Variants in TNIK observed in about 807,000 individuals in gnomAD.
TNIK encodes the protein TRAF2 and NCK interacting kinase, also known as TRAF2 and NCK-interacting protein kinase.
TNIK carries 49 observed loss-of-function variants against 191.3 expected under a neutral mutation model. The observed-to-expected ratio is 0.26, with a 90% CI of 0.20 to 0.32. The LOEUF is 0.32. Ranked by LOEUF, TNIK falls within the 10% of genes least tolerant of loss-of-function variation. The pLI is 1.00. For synonymous variants in TNIK, 594 were observed against 600.9 expected, an observed-to-expected ratio of 0.99 and a Z score of 0.17; for missense variants, 1,155 against 1,702.3, an observed-to-expected ratio of 0.68 and a Z score of 5.66.
chr3:171,251,989 T>C (rs1200410439), intron 2 of TNIK, among the ~76,000 whole-genome samples: 1 of 150,926 alleles, frequency 6.6e-6, no homozygotes, highest in Admixed American at 6.6e-5. Context: ...TATAGGGCAA[T>C]TGCAACATTT....
intron 2 of TNIK, among the ~76,000 whole-genome samples, chr3:171,341,968 G>A (rs1757579774): frequency 6.6e-6 from 1 of 152,154 alleles, no homozygotes; most frequent in Non-Finnish European, 1.5e-5. Context: ...GTATTTTCAA[G>A]ATGTTTTACA....
At chr3:171,071,970 C>G (rs1207300125) in intron 28 of TNIK, among the ~76,000 whole-genome samples, 2 of 152,078 alleles carry the variant, frequency 1.3e-5, no homozygotes, top group African/African-American at 4.8e-5. Flanking sequence ...CCCCACAATG[C>G]TTTTGCCTAC....
intron 2 of TNIK, among the ~76,000 whole-genome samples, chr3:171,292,675 C>T (rs544912190): frequency 1.3e-5 from 2 of 149,324 alleles, no homozygotes; most frequent in African/African-American, 4.9e-5. Flanking sequence ...ACTCGGGAGG[C>T]TGAGGCAGGA....
chr3:171,400,135 A>G (rs920511042), intron 1 of TNIK, among the ~76,000 whole-genome samples: 1 of 152,178 alleles, frequency 6.6e-6, no homozygotes, highest in African/African-American at 2.4e-5. Context: ...GGTAGAAACC[A>G]TACTCTGGGC....
At chr3:171,234,144 T>G (rs1743989360) in intron 2 of TNIK, among the ~76,000 whole-genome samples, 2 of 152,192 alleles carry the variant, frequency 1.3e-5, no homozygotes, top group African/African-American at 2.4e-5. Context: ...TATCTGGACA[T>G]CTTTAGGAAT....
chr3:171,434,386 G>A (rs1725754645), intron 1 of TNIK, among the ~76,000 whole-genome samples: 1 of 151,992 alleles, frequency 6.6e-6, no homozygotes, highest in Non-Finnish European at 1.5e-5. Context: ...CTAAGTTTTT[G>A]AGGTATCATC....
At chr3:171,369,823 A>AC in intron 1 of TNIK, 138 bp from the exon 2 acceptor site, 1 of 556,446 alleles carries the variant, frequency 1.8e-6, no homozygotes, top group Admixed American at 3.3e-5. Flanking sequence ...AACATTTAAT[A>AC]CTATCAAAAT....
chr3:171,234,308 G>A (rs535864348), intron 2 of TNIK, among the ~76,000 whole-genome samples: 5 of 152,316 alleles, frequency 3.3e-5, no homozygotes, highest in African/African-American at 9.6e-5. Flanking sequence ...CAGGTTAAAT[G>A]GAGCCTTTGT....
chr3:171,395,038 C>A (rs6807555), intron 1 of TNIK, among the ~76,000 whole-genome samples: 89,418 of 152,012 alleles, frequency 0.59, 27,466 homozygotes, highest in African/African-American at 0.71. Flanking sequence ...AAACAATATA[C>A]GGCTTGATAA....
chr3:171,170,298 T>A (rs1577027111), intron 9 of TNIK, among the ~76,000 whole-genome samples: 1 of 152,348 alleles, frequency 6.6e-6, no homozygotes, highest in East Asian at 1.9e-4. Flanking sequence ...AGATTGAACC[T>A]GTTTATATGT....
At chr3:171,165,544 C>T (rs1734510796) in intron 10 of TNIK, among the ~76,000 whole-genome samples, 1 of 152,228 alleles carries the variant, frequency 6.6e-6, no homozygotes, top group Non-Finnish European at 1.5e-5. Context: ...ACCGCCCCCA[C>T]CGCTAGTCCC....
intron 28 of TNIK, among the ~76,000 whole-genome samples, chr3:171,076,694 T>C (rs1483152917): frequency 1.3e-5 from 2 of 152,346 alleles, no homozygotes; most frequent in South Asian, 2.1e-4. Context: ...CTAGGGCTTA[T>C]GAAAACCAAG....
chr3:171,374,628 G>T (rs1424612798), intron 1 of TNIK, among the ~76,000 whole-genome samples: 1 of 152,152 alleles, frequency 6.6e-6, no homozygotes, highest in Non-Finnish European at 1.5e-5. Context: ...AGGGTGAGAA[G>T]AGAATTTAAT....
rs753800571 is a variant in TNIK, at chr3:171,272,020, G to A, written c.124-43799C>T. Among the ~76,000 whole-genome samples, 5 of 152,198 alleles carry A rather than the reference G, an allele frequency of 3.3e-5. 1 individual carries two copies. The highest frequency in any genetic ancestry group is 7.3e-5 in the Non-Finnish European group (5 of 68,036). ...TTGTTGAATTGTTTCTTTCTGGGAA[G>A]TTCAGGAAACTGGGTCCATAGAAGG... On this transcript the variant is annotated intron_variant, in intron 2 of 32. Transcript: ENST00000436636.
intron 13 of TNIK, among the ~76,000 whole-genome samples, 194 bp from the exon 14 acceptor site, chr3:171,139,750 A>G (rs999386300): frequency 6.6e-6 from 1 of 152,214 alleles, no homozygotes; most frequent in Non-Finnish European, 1.5e-5. Flanking sequence ...GAAAAGCACA[A>G]GCCCCTCTAC....
intron 6 of TNIK, 21 bp from the exon 7 acceptor site, chr3:171,188,853 A>C: frequency 6.2e-7 from 1 of 1,611,636 alleles, no homozygotes; most frequent in Non-Finnish European, 8.5e-7. Flanking sequence ...AAAGACAAGT[A>C]AATAAAGTCT....
intron 2 of TNIK, among the ~76,000 whole-genome samples, chr3:171,245,002 T>A (rs1745436208): frequency 1.3e-5 from 2 of 152,170 alleles, no homozygotes; most frequent in African/African-American, 4.8e-5. Flanking sequence ...ACTATACCAA[T>A]AATGATTCAT....
intron 2 of TNIK, among the ~76,000 whole-genome samples, chr3:171,313,239 GCTTT>G (rs71762733): frequency 0.4 from 59,481 of 150,204 alleles, 12,326 homozygotes; most frequent in Middle Eastern, 0.48. Flanking sequence ...CCAACATTTA[GCTTT>G]CTTTCTTTCT....
At position 171,058,997 on chromosome 3, in the gene TNIK, A is replaced by G. The variant is rs1414532873; in HGVS notation, c.*4884T>C. Among the ~76,000 whole-genome samples, 1 of 152,208 alleles carries G rather than the reference A, an allele frequency of 6.6e-6. No homozygotes were observed. Among genetic ancestry groups the G allele is most frequent in the Non-Finnish European group, 1.5e-5 (1 of 68,032 alleles). ...TATCCCAGGGGAAGAGATAAGGGAA[A>G]GGGGTAGCTGGGCATGATATTTACA... On this transcript the variant is annotated 3_prime_UTR_variant, in exon 33 of 33. Transcript: ENST00000436636.
Sources: allele counts gnomAD v4.1 joint callset (sites outside exome capture counted in the v4.1 genomes callset), GRCh38; gene constraint gnomAD v4.1.1; transcripts MANE v1.5; gene names NCBI Gene and HGNC (gene_info 2026-07-23, HGNC 2026-07-21).